Variants in ADGRV1 observed in about 807,000 individuals in gnomAD.
ADGRV1 encodes adhesion G protein-coupled receptor V1, also known as G-protein coupled receptor 98.
A neutral mutation model predicts 596.2 loss-of-function variants in ADGRV1; 359 were observed. The observed-to-expected ratio is 0.60, with a 90% confidence interval of 0.55 to 0.66. The LOEUF (loss-of-function observed/expected upper bound fraction) is 0.66. Among genes scored for constraint, ADGRV1 ranks in the 30% least tolerant of loss-of-function variants. The probability of loss-of-function intolerance (pLI) is 0.00; values close to 1 mark genes in which losing one functional copy is unlikely to be tolerated. For missense variants in ADGRV1, 7,274 were observed against 7,575.6 expected (o/e 0.96, Z 1.48); for synonymous variants, 2,681 against 2,679.2 (o/e 1.00, Z -0.02).
intron 83 of ADGRV1, among the ~76,000 whole-genome samples, chr5:90,959,871 G>A (rs1018547854): frequency 6.6e-6 from 1 of 152,206 alleles, no homozygotes; most frequent in Non-Finnish European, 1.5e-5. Flanking sequence ...TGGGCGCAGT[G>A]GCTCACGCCT....
chr5:90,606,000 A>C (rs1312478562), intron 1 of ADGRV1, among the ~76,000 whole-genome samples: 1 of 152,212 alleles, frequency 6.6e-6, no homozygotes, highest in Non-Finnish European at 1.5e-5. Context: ...ATGTGACTTC[A>C]CTAAGTCTGA....
In ADGRV1 at chr5:90,674,251, G is replaced by T. The variant is rs759319734; in HGVS notation, c.5110+17G>T. The T allele has an allele frequency of 1.9e-6, 3 of 1,539,706 alleles. No individual in the cohort carries two copies. Among genetic ancestry groups the T allele is most frequent in the Admixed American group, 2.0e-5 (1 of 49,160 alleles). On this transcript the variant is annotated intron_variant, in intron 23 of 89. Transcript: ENST00000405460. Reference sequence around the variant, plus strand: ...ATCCATATGGTAACCTGCTCCTTTTGCAAGAAAAATCCTCTCTTCTCTGGG... The same window carrying T: ...ATCCATATGGTAACCTGCTCCTTTTTCAAGAAAAATCCTCTCTTCTCTGGG...
At chr5:90,683,470 TG>T in intron 27 of ADGRV1, 115 bp from the exon 28 acceptor site, 1 of 824,622 alleles carries the variant, frequency 1.2e-6, no homozygotes, top group Non-Finnish European at 1.8e-6. Flanking sequence ...TCTTGTAGTC[TG>T]GAGAAGAACT....
intron 66 of ADGRV1, among the ~76,000 whole-genome samples, 154 bp from the exon 67 acceptor site, chr5:90,783,684 C>T (rs1462003650): frequency 6.6e-6 from 1 of 152,168 alleles, no homozygotes; most frequent in Non-Finnish European, 1.5e-5. Flanking sequence ...GTTAATCATT[C>T]ATTCTTTTAG....
intron 75 of ADGRV1, among the ~76,000 whole-genome samples, chr5:90,821,531 C>T (rs1378152550): frequency 6.6e-6 from 1 of 151,040 alleles, no homozygotes; most frequent in East Asian, 1.9e-4. Context: ...TCTGTTTTTT[C>T]CCCATCTTTG....
At chr5:91,095,145 A>G (rs1790743594) in intron 86 of ADGRV1, among the ~76,000 whole-genome samples, 1 of 152,180 alleles carries the variant, frequency 6.6e-6, no homozygotes, top group Non-Finnish European at 1.5e-5. Flanking sequence ...ACTAAGGGTT[A>G]GGAATGCCAG....
intron 67 of ADGRV1, 132 bp from the exon 68 acceptor site, chr5:90,787,939 A>T: frequency 1.7e-6 from 1 of 586,366 alleles, no homozygotes; most frequent in Non-Finnish European, 2.7e-6. Context: ...TGAAACAGGA[A>T]TTTGATGGAA....
intron 87 of ADGRV1, among the ~76,000 whole-genome samples, chr5:91,138,745 C>T (rs1379982880): frequency 6.7e-6 from 1 of 149,952 alleles, no homozygotes; most frequent in African/African-American, 2.5e-5. Flanking sequence ...TCCCAGAATT[C>T]GTCATTTTGC....
At chr5:91,104,860 C>CTTTTTT (rs60957930) in intron 87 of ADGRV1, among the ~76,000 whole-genome samples, 254 of 125,912 alleles carry the variant, frequency 2.0e-3, no homozygotes, top group Non-Finnish European at 3.2e-3. Context: ...CTTTTCTTTT[C>CTTTTTT]TTTTTTTTTT....
intron 21 of ADGRV1, among the ~76,000 whole-genome samples, chr5:90,667,036 C>T (rs1771555891): frequency 6.6e-6 from 1 of 152,028 alleles, no homozygotes; most frequent in African/African-American, 2.4e-5. Context: ...CTCTAGCTGC[C>T]CTTAATATTT....
At chr5:90,729,008 GAA>G in intron 49 of ADGRV1, 75 bp downstream of exon 49, 4 of 1,043,162 alleles carry the variant, frequency 3.8e-6, no homozygotes, top group Non-Finnish European at 5.4e-6. Context: ...TATTTTATAT[GAA>G]AATGCTCTTG....
At chr5:90,992,245 C>T in intron 85 of ADGRV1, among the ~76,000 whole-genome samples, 1 of 152,198 alleles carries the variant, frequency 6.6e-6, no homozygotes, top group East Asian at 1.9e-4. Context: ...CCTGTTAACT[C>T]CTTCAAATTT....
rs769968855 is a variant in ADGRV1 at position 90,720,971 on chromosome 5, C to T, written c.9660C>T (p.Thr3220=). 1.6e-5 allele frequency: 25 copies of T among 1,611,826 alleles called. No individual in the cohort carries two copies. The highest frequency in any genetic ancestry group is 3.3e-5 in the South Asian group (3 of 91,004). ...TSIDIEEANR[T]VYLNVSRTNG... is the part of the protein sequence containing the mutation. ...TAGACATCGAAGAAGCCAATAGGAC[C>T]GTGTATTTAAATGTATCTCGAACTA... The change falls in exon 45 of 90, where the codon ACC becomes ACT. Residue 3220 remains threonine, a synonymous_variant. Coordinates refer to ENST00000405460, the MANE Select transcript of ADGRV1 (RefSeq NM_032119.4).
intron 43 of ADGRV1, among the ~76,000 whole-genome samples, chr5:90,719,466 G>C (rs1046136036): frequency 6.6e-6 from 1 of 152,026 alleles, no homozygotes; most frequent in African/African-American, 2.4e-5. Flanking sequence ...CATTTTGCTG[G>C]TTCTTGAGCT....
At chr5:91,020,872 G>T (rs2151186219) in intron 85 of ADGRV1, among the ~76,000 whole-genome samples, 1 of 152,134 alleles carries the variant, frequency 6.6e-6, no homozygotes, top group East Asian at 1.9e-4. Context: ...CTGACTTTGA[G>T]TACAAGTTAG....
chr5:90,583,564 A>G (rs1332377324), intron 1 of ADGRV1, among the ~76,000 whole-genome samples: 5 of 152,114 alleles, frequency 3.3e-5, no homozygotes, highest in African/African-American at 1.2e-4. Context: ...TTCTTTCAGC[A>G]TAGGAGATGA....
chr5:90,923,153 T>C (rs992805846), intron 83 of ADGRV1, among the ~76,000 whole-genome samples: 3 of 152,236 alleles, frequency 2.0e-5, no homozygotes, highest in African/African-American at 7.2e-5. Flanking sequence ...ATTACATGAA[T>C]GTGCATGCAT....
chr5:90,804,312 G>A (rs1188473284), intron 71 of ADGRV1, among the ~76,000 whole-genome samples: 5 of 152,038 alleles, frequency 3.3e-5, no homozygotes, highest in African/African-American at 4.8e-5. Context: ...TGAGGCATGA[G>A]AATCACTTGA....
chr5:91,160,587 A>T (rs747952120), intron 89 of ADGRV1, among the ~76,000 whole-genome samples: 1 of 152,206 alleles, frequency 6.6e-6, no homozygotes, highest in Non-Finnish European at 1.5e-5. Context: ...TGCCTGTTCT[A>T]TTGACCAAAG....
Sources: allele counts gnomAD v4.1 joint callset (sites outside exome capture counted in the v4.1 genomes callset), GRCh38; gene constraint gnomAD v4.1.1; transcripts MANE v1.5; gene names NCBI Gene and HGNC (gene_info 2026-07-23, HGNC 2026-07-21).